Variants in COLEC10 observed in about 807,000 individuals in gnomAD.
COLEC10 encodes the protein collectin subfamily member 10.
COLEC10 carries 22 observed loss-of-function variants against 28.4 expected under a neutral mutation model. The ratio of observed to expected loss-of-function variants is 0.78; its 90% CI spans 0.55 to 1.11. The LOEUF (loss-of-function observed/expected upper bound fraction) is 1.11. Ranked by LOEUF, COLEC10 falls within the 50% of genes least tolerant of loss-of-function variation. The pLI is 0.00. For missense variants in COLEC10, 361 were observed against 344.1 expected (o/e 1.05, Z -0.39); for synonymous variants, 125 against 116.1 (o/e 1.08, Z -0.49).
In COLEC10 at chr8:119,095,784, G is replaced by A. The variant is rs1815703159; in HGVS notation, c.292+4564G>A. Among the ~76,000 whole-genome samples, 5 of 151,986 alleles carry A rather than the reference G, an allele frequency of 3.3e-5. 1 individual carries two copies. In the South Asian group the frequency reaches 1.0e-3, roughly 32 times the overall value. The stretch of plus-strand genomic sequence containing the variant: ...TGATAAGCCAATTCAAAATATATGT[G>A]TAAATGAAAATGACCAAAAATACCC... On this transcript the variant is annotated intron_variant, in intron 3 of 5. Coordinates refer to ENST00000332843, the MANE Select transcript of COLEC10 (RefSeq NM_006438.5).
chr8:119,057,042 A>G (rs1379961392), intron 2 of COLEC10, among the ~76,000 whole-genome samples: 1 of 152,136 alleles, frequency 6.6e-6, no homozygotes, highest in East Asian at 1.9e-4. Flanking sequence ...AAGTTTTCTA[A>G]AATCCTGCTG....
At chr8:119,093,086 A>T (rs533477595) in intron 3 of COLEC10, among the ~76,000 whole-genome samples, 86 of 152,322 alleles carry the variant, frequency 5.6e-4, no homozygotes, top group Admixed American at 1.5e-3. Context: ...AAAAAAGATT[A>T]GGGGAAGCTT....
intron 1 of COLEC10, among the ~76,000 whole-genome samples, chr8:119,069,269 G>C (rs1027772671): frequency 5.7e-4 from 86 of 151,924 alleles, no homozygotes; most frequent in African/African-American, 2.1e-3. Context: ...TAGATGATAT[G>C]GGTACACCAG....
At chr8:119,066,354 C>T (rs890823190), upstream of COLEC10, among the ~76,000 whole-genome samples, 14 of 152,142 alleles carry the variant, frequency 9.2e-5, no homozygotes, top group African/African-American at 3.4e-4. Flanking sequence ...AGATCCTGAT[C>T]TCTGTATCTA....
At chr8:118,954,707 C>G in the COLEC10 span, among the ~76,000 whole-genome samples, 3 of 152,208 alleles carry the variant, frequency 2.0e-5, no homozygotes, top group Non-Finnish European at 4.4e-5. Context: ...AATTAGGTCC[C>G]ACATTGAATA....
intron 3 of COLEC10, among the ~76,000 whole-genome samples, chr8:119,097,679 G>A (rs530953904): frequency 6.6e-6 from 1 of 151,970 alleles, no homozygotes; most frequent in Non-Finnish European, 1.5e-5. Flanking sequence ...TATCAACTTC[G>A]TTAAACCACT....
At chr8:119,034,268 AT>A (rs1314936788) in intron 2 of COLEC10, among the ~76,000 whole-genome samples, 1 of 152,144 alleles carries the variant, frequency 6.6e-6, no homozygotes, top group Non-Finnish European at 1.5e-5. Flanking sequence ...GAGGGATAGC[AT>A]TTGGAGAAAT....
At chr8:119,014,692 G>C (rs776597585) in intron 2 of COLEC10, among the ~76,000 whole-genome samples, 1 of 150,924 alleles carries the variant, frequency 6.6e-6, no homozygotes, top group African/African-American at 2.5e-5. Context: ...ATCCATTAGA[G>C]ATGTGTTACA....
At chr8:119,084,962 C>A (rs1365608192) in intron 1 of COLEC10, among the ~76,000 whole-genome samples, 1 of 152,126 alleles carries the variant, frequency 6.6e-6, no homozygotes, top group African/African-American at 2.4e-5. Context: ...TACTTCTATT[C>A]TCATTAAAGC....
chr8:118,989,564 C>CACACACAT, the COLEC10 span, among the ~76,000 whole-genome samples: 7 of 149,672 alleles, frequency 4.7e-5, no homozygotes, highest in African/African-American at 1.7e-4. Flanking sequence ...CACACACACA[C>CACACACAT]ACACACACAC....
intron 3 of COLEC10, among the ~76,000 whole-genome samples, chr8:119,094,809 TA>T (rs1041773599): frequency 6.6e-6 from 1 of 152,150 alleles, no homozygotes; most frequent in Admixed American, 6.5e-5. Flanking sequence ...TTCATGTTTT[TA>T]AAAACTGTTA....
chr8:118,965,584 C>T, the COLEC10 span, among the ~76,000 whole-genome samples: 20 of 151,952 alleles, frequency 1.3e-4, no homozygotes, highest in African/African-American at 4.1e-4. Flanking sequence ...AAAGTGTGTG[C>T]CTGGCAATTC....
upstream of COLEC10, among the ~76,000 whole-genome samples, chr8:119,062,559 G>T (rs1007445767): frequency 3.3e-5 from 5 of 151,402 alleles, no homozygotes; most frequent in Admixed American, 3.3e-4. Context: ...GGCTCACTGC[G>T]ACCTCCGCCC....
chr8:119,012,178 CG>C (rs1416373747), intron 2 of COLEC10, among the ~76,000 whole-genome samples: 2 of 150,592 alleles, frequency 1.3e-5, no homozygotes, highest in Non-Finnish European at 3.0e-5. Context: ...TAATCATTAA[CG>C]GGTGCTGGAT....
chr8:119,030,811 C>T (rs1037274276), intron 2 of COLEC10, among the ~76,000 whole-genome samples: 3 of 152,172 alleles, frequency 2.0e-5, no homozygotes, highest in Admixed American at 1.3e-4. Flanking sequence ...ATATTAAAGA[C>T]AATTACTACC....
intron 1 of COLEC10, among the ~76,000 whole-genome samples, chr8:119,006,465 C>A (rs1813799693): frequency 6.6e-6 from 1 of 151,978 alleles, no homozygotes; most frequent in Non-Finnish European, 1.5e-5. Context: ...TAAATTTGTC[C>A]CTGAAACTGT....
At chr8:119,035,158 A>G (rs1018711170) in intron 2 of COLEC10, among the ~76,000 whole-genome samples, 1 of 152,204 alleles carries the variant, frequency 6.6e-6, no homozygotes. Context: ...AATTAATGCA[A>G]TATGTTTGTG....
chr8:119,089,467 T>C (rs1230662906), intron 1 of COLEC10, among the ~76,000 whole-genome samples: 2 of 152,170 alleles, frequency 1.3e-5, no homozygotes, highest in Non-Finnish European at 2.9e-5. Flanking sequence ...AAACATAGAG[T>C]TGGATGTGGA....
chr8:119,055,418 C>T (rs1228705527), intron 2 of COLEC10, among the ~76,000 whole-genome samples: 1 of 152,016 alleles, frequency 6.6e-6, no homozygotes, highest in Non-Finnish European at 1.5e-5. Context: ...GTACTGTAAA[C>T]CTTTATTTGA....
Sources: gnomAD v4.1 joint callset for allele counts (sites outside exome capture counted in the v4.1 genomes callset) on GRCh38, gnomAD v4.1.1 for gene constraint, MANE v1.5 for transcripts, NCBI Gene and HGNC (gene_info 2026-07-23, HGNC 2026-07-21) for gene names.